SPAST: variants seen among roughly 807,000 people sequenced by gnomAD.
The protein encoded by SPAST is spastic paraplegia 4 (autosomal dominant; spastin).
In SPAST, 30 loss-of-function variants were observed where a neutral mutation model predicts 76.6. The ratio of observed to expected loss-of-function variants is 0.39; its 90% CI spans 0.29 to 0.53. The LOEUF (loss-of-function observed/expected upper bound fraction) is 0.53, where lower values mean the gene tolerates loss of function less well. Among genes scored for constraint, SPAST ranks in the 20% least tolerant of loss-of-function variants. The pLI is 0.68. For missense variants in SPAST, 717 were observed against 770.5 expected (o/e 0.93, Z 0.82); for synonymous variants, 305 against 281.0 (o/e 1.09, Z -0.86).
intron 9 of SPAST, 79 bp from the exon 10 acceptor site, chr2:32,136,484 C>G: frequency 9.3e-7 from 1 of 1,074,842 alleles, no homozygotes; most frequent in East Asian, 2.4e-5. Flanking sequence ...TTCCTGTGTG[C>G]TAGATTTTCA....
At chr2:32,147,122 T>C in intron 15 of SPAST, 96 bp from the exon 16 acceptor site, 4 of 800,766 alleles carry the variant, frequency 5.0e-6, no homozygotes, top group East Asian at 2.4e-5. Context: ...TTGTACTGAA[T>C]AGATACATGT....
intron 1 of SPAST, among the ~76,000 whole-genome samples, chr2:32,083,756 A>AG (rs1677347898): frequency 4.1e-5 from 2 of 48,710 alleles, no homozygotes; most frequent in Non-Finnish European, 8.2e-5. Context: ...TATACTATAT[A>AG]TATATATATA....
intron 7 of SPAST, among the ~76,000 whole-genome samples, chr2:32,120,026 C>CTTTT (rs1334920064): frequency 6.3e-5 from 9 of 143,678 alleles, no homozygotes; most frequent in Non-Finnish European, 6.1e-5. Context: ...TTCTTTCTTT[C>CTTTT]TTTTTTTTTT....
intron 4 of SPAST, among the ~76,000 whole-genome samples, chr2:32,107,616 T>G (rs1374852494): frequency 6.6e-6 from 1 of 152,170 alleles, no homozygotes; most frequent in Admixed American, 6.5e-5. Flanking sequence ...TATTTTGCAT[T>G]TTGGATTTTT....
intron 4 of SPAST, among the ~76,000 whole-genome samples, chr2:32,104,376 G>A (rs756831332): frequency 2.7e-4 from 41 of 152,254 alleles, no homozygotes; most frequent in Admixed American, 7.8e-4. Context: ...CCTGAATACA[G>A]CACACTGATG....
intron 16 of SPAST, among the ~76,000 whole-genome samples, chr2:32,149,318 C>T (rs1405557703): frequency 6.9e-6 from 1 of 144,952 alleles, no homozygotes; most frequent in Non-Finnish European, 1.5e-5. Flanking sequence ...AGGTGGGTCT[C>T]GAACTCCTGA....
At chr2:32,147,970 G>T (rs1396322282) in intron 16 of SPAST, among the ~76,000 whole-genome samples, 11 of 127,284 alleles carry the variant, frequency 8.6e-5, no homozygotes, top group South Asian at 5.1e-4. Context: ...GTCTTGCTCT[G>T]TTCTCAGGCT....
Position 32,064,082 on chromosome 2 carries a change from G to A in SPAST, c.251G>A (p.Arg84His). ...GTGTGGCTCTGCCAGCGCTTCTCCC[G>A]CGCCCTCATGGCAGCCAAGAGGAGC... ...LFVWLCQRFS[R>H]ALMAAKRSSG... The change falls in exon 1 of 17, where the codon CGC becomes CAC. Residue 84 changes from arginine to histidine, a missense_variant. Coordinates refer to ENST00000315285, the MANE Select transcript of SPAST (RefSeq NM_014946.4). 6.2e-7 allele frequency: 1 copy of A among 1,611,892 alleles called. No homozygotes were observed. Among genetic ancestry groups the A allele is most frequent in the South Asian group, 1.1e-5 (1 of 90,714 alleles).
rs2148770000 is a variant in SPAST, at chr2:32,155,278, A to AT, written c.*785dup. ...CCTGCAGTATTTTTTTTTCTAATGT[A>AT]TTTGTCAGAAATCTGTTGTAGACTG... On this transcript the variant is annotated 3_prime_UTR_variant, in exon 17 of 17. Transcript: ENST00000315285. 1 of 152,474 alleles carries AT rather than the reference A, an allele frequency of 6.6e-6. No individual in the cohort carries two copies. Among genetic ancestry groups the AT allele is most frequent in the East Asian group, 1.9e-4 (1 of 5,172 alleles). 9.4% of individuals were successfully genotyped at this position (152,474 alleles called of 1,614,324 possible).
intron 3 of SPAST, among the ~76,000 whole-genome samples, chr2:32,098,102 T>C (rs981958687): frequency 6.6e-6 from 1 of 152,148 alleles, no homozygotes; most frequent in African/African-American, 2.4e-5. Context: ...TTTTAAAAAA[T>C]CTACAGTTTT....
In SPAST at chr2:32,127,221, G is replaced by A. The variant is rs1456063380; in HGVS notation, c.1173+199G>A. ...CAACCTCCGCCTCCTGGGTTCAAGC[G>A]ATTTTCATGCCTCAGCCTCCCAAGT... is the stretch of plus-strand genomic sequence containing the variant. On this transcript the variant is annotated intron_variant, in intron 8 of 16. Coordinates refer to ENST00000315285, the MANE Select transcript of SPAST (RefSeq NM_014946.4). The A allele has an allele frequency of 7.2e-6, 4 of 557,070 alleles. No individual in the cohort carries two copies. In the East Asian group the frequency reaches 9.5e-5, roughly 13 times the overall value. 34.5% of individuals were successfully genotyped at this position (557,070 alleles called of 1,614,324 possible).
chr2:32,066,974 A>AAAAAAAAAAAAAAAAAAAACC (rs1676540282), intron 1 of SPAST, among the ~76,000 whole-genome samples: 3 of 114,078 alleles, frequency 2.6e-5, no homozygotes, highest in Non-Finnish European at 3.7e-5. Flanking sequence ...AACTGTCTCA[A>AAAAAAAAAAAAAAAAAAAACC]AAAAAAAAAA....
At chr2:32,094,781 C>T (rs1677858121) in intron 3 of SPAST, among the ~76,000 whole-genome samples, 2 of 152,278 alleles carry the variant, frequency 1.3e-5, no homozygotes, top group East Asian at 3.9e-4. Context: ...ACCAGCCTGG[C>T]CAACATGGCG....
intron 7 of SPAST, 122 bp from the exon 8 acceptor site, chr2:32,126,826 T>C: frequency 4.4e-6 from 3 of 677,816 alleles, no homozygotes; most frequent in Non-Finnish European, 8.0e-6. Context: ...TGTGTTTCCT[T>C]TAAAGCTATG....
chr2:32,141,512 A>T (rs1225028847), intron 12 of SPAST, among the ~76,000 whole-genome samples: 1 of 152,194 alleles, frequency 6.6e-6, no homozygotes, highest in Admixed American at 6.5e-5. Context: ...TCACTGCCCT[A>T]GGCAGTTCAC....
intron 13 of SPAST, among the ~76,000 whole-genome samples, chr2:32,142,225 A>C (rs1396860259): frequency 1.3e-5 from 2 of 152,166 alleles, no homozygotes; most frequent in Non-Finnish European, 2.9e-5. Context: ...TAAAATGTTT[A>C]TTTTGGTGAA....
intron 4 of SPAST, among the ~76,000 whole-genome samples, chr2:32,112,181 G>C (rs966059091): frequency 2.0e-5 from 3 of 151,436 alleles, no homozygotes; most frequent in African/African-American, 7.3e-5. Flanking sequence ...TTAAACTCCT[G>C]ACCTCAGATG....
rs750936012 is a variant in SPAST, at chr2:32,133,800, A to G, written c.1246-2763A>G. 1.5e-4 allele frequency among the ~76,000 whole-genome samples: 23 copies of G among 152,294 alleles called. 1 individual carries two copies. The highest frequency in any genetic ancestry group is 6.2e-4 in the South Asian group (3 of 4,826). On this transcript the variant is annotated intron_variant, in intron 9 of 16. Coordinates refer to ENST00000315285, the MANE Select transcript of SPAST (RefSeq NM_014946.4). ...AGGGAAAAAAAAATCAGAGAAGTTA[A>G]TAATATTAACTGTCACCTCCACTAG...
intron 12 of SPAST, among the ~76,000 whole-genome samples, chr2:32,137,472 G>A (rs144331346): frequency 1.0e-3 from 156 of 152,224 alleles, no homozygotes; most frequent in African/African-American, 3.3e-3. Flanking sequence ...GATTCTTACC[G>A]TCTTTTATTG....
Sources: gnomAD v4.1 joint callset for allele counts (sites outside exome capture counted in the v4.1 genomes callset) on GRCh38, gnomAD v4.1.1 for gene constraint, MANE v1.5 for transcripts, NCBI Gene and HGNC (gene_info 2026-07-23, HGNC 2026-07-21) for gene names.